ZCCHC9: variants seen among roughly 807,000 people sequenced by gnomAD.
ZCCHC9 encodes zinc finger CCHC domain-containing protein 9.
A neutral mutation model predicts 30.8 loss-of-function variants in ZCCHC9; 18 were observed. The observed-to-expected ratio is 0.58, with a 90% CI of 0.40 to 0.87. ZCCHC9 has a LOEUF of 0.87. Among genes scored for constraint, ZCCHC9 ranks in the 40% least tolerant of loss-of-function variants. The pLI, the probability that ZCCHC9 is intolerant of heterozygous loss-of-function variation, is 0.00. For missense variants in ZCCHC9, 279 were observed against 331.2 expected, an observed-to-expected ratio of 0.84 and a Z score of 1.22; for synonymous variants, 94 against 106.7, an observed-to-expected ratio of 0.88 and a Z score of 0.73.
At chr5:81,306,009 C>G (rs1395329265) in intron 2 of ZCCHC9, among the ~76,000 whole-genome samples, 3 of 152,148 alleles carry the variant, frequency 2.0e-5, no homozygotes, top group Admixed American at 1.3e-4. Flanking sequence ...ATTGCTTCCT[C>G]CCTCCCCCAT....
At chr5:81,303,648 C>T (rs1758021076) in intron 1 of ZCCHC9, 1 of 152,288 alleles carries the variant, frequency 6.6e-6, no homozygotes, top group Non-Finnish European at 1.5e-5. Flanking sequence ...TACAGTACAT[C>T]ATTGTAAGCA....
At chr5:81,308,500 A>G in intron 2 of ZCCHC9, 61 bp from the exon 3 acceptor site, 1 of 1,452,596 alleles carries the variant, frequency 6.9e-7, no homozygotes, top group East Asian at 2.5e-5. Flanking sequence ...TTTGATAACA[A>G]GAATTAATAA....
At chr5:81,303,065 TG>T (rs1758004590) in intron 1 of ZCCHC9, 2 of 151,876 alleles carry the variant, frequency 1.3e-5, no homozygotes, top group Non-Finnish European at 2.9e-5. Context: ...GTTTTGCTCT[TG>T]TCACCCAGGC....
At chr5:81,303,725 T>G (rs575128103) in intron 1 of ZCCHC9, 2 of 152,258 alleles carry the variant, frequency 1.3e-5, no homozygotes, top group Non-Finnish European at 2.9e-5. Flanking sequence ...ATGAGTAATG[T>G]GTTACACTAC....
At chr5:81,309,142 C>T in intron 4 of ZCCHC9, 104 bp downstream of exon 4, 2 of 862,994 alleles carry the variant, frequency 2.3e-6, no homozygotes, top group Admixed American at 3.0e-5. Flanking sequence ...GAATAAATTG[C>T]AAAACCTTGA....
chr5:81,304,784 C>T lies in ZCCHC9; in HGVS notation c.27C>T (p.Thr9=). 2 of 1,600,192 alleles carry T rather than the reference C, an allele frequency of 1.2e-6. No homozygotes were observed. The highest frequency in any genetic ancestry group is 3.4e-4 in the Middle Eastern group (2 of 5,960). MTRWARVS[T]TYNKRPLPAT... is the part of the protein sequence containing the mutation. ...TGACCAGGTGGGCCCGAGTTAGTAC[C>T]ACATATAACAAGAGACCCTTGCCTG... Residue 9 remains threonine (T), a synonymous_variant, in exon 2 of 6, where the codon ACC becomes ACT. Transcript: ENST00000407610.
At chr5:81,308,869 G>GAGT in intron 3 of ZCCHC9, 77 bp from the exon 4 acceptor site, 2 of 1,416,344 alleles carry the variant, frequency 1.4e-6, no homozygotes, top group Non-Finnish European at 1.9e-6. Flanking sequence ...TTTTTATTCA[G>GAGT]AGTATTTTAA....
At chr5:81,312,258 T>C (rs1758312654) in intron 5 of ZCCHC9, among the ~76,000 whole-genome samples, 1 of 152,212 alleles carries the variant, frequency 6.6e-6, no homozygotes, top group Non-Finnish European at 1.5e-5. Context: ...ATTCATTGAC[T>C]CTGTAATGAT....
intron 2 of ZCCHC9, among the ~76,000 whole-genome samples, chr5:81,305,388 G>A (rs1156554300): frequency 1.3e-5 from 2 of 152,170 alleles, no homozygotes; most frequent in East Asian, 3.8e-4. Context: ...ACACTGAAGT[G>A]CAGATAGATT....
At chr5:81,302,830 T>C (rs1224446176) in intron 1 of ZCCHC9, 3 of 152,220 alleles carry the variant, frequency 2.0e-5, no homozygotes, top group African/African-American at 7.2e-5. Context: ...GTGAGTGGTA[T>C]GTGAGTGTGA....
chr5:81,308,282 A>G (rs776532868), intron 2 of ZCCHC9: 23 of 272,720 alleles, frequency 8.4e-5, no homozygotes, highest in Non-Finnish European at 1.4e-4. Flanking sequence ...TATTTGCTCA[A>G]TTCATTTAAG....
intron 5 of ZCCHC9, 135 bp downstream of exon 5, chr5:81,311,414 T>G (rs1242085376): frequency 3.3e-6 from 3 of 922,492 alleles, no homozygotes; most frequent in Non-Finnish European, 5.1e-6. Flanking sequence ...TAGCAATGAC[T>G]TAATCTCTGT....
intron 4 of ZCCHC9, among the ~76,000 whole-genome samples, chr5:81,310,243 GC>G (rs1231101230): frequency 6.6e-6 from 1 of 150,830 alleles, no homozygotes; most frequent in African/African-American, 2.4e-5. Flanking sequence ...GCCTGTGTGT[GC>G]CTTGATTTTA....
chr5:81,301,759 A>G (rs564311950), intron 1 of ZCCHC9, 61 bp downstream of exon 1: 1 of 152,710 alleles, frequency 6.5e-6, no homozygotes, highest in South Asian at 2.1e-4. Context: ...GGCCTGGCGG[A>G]ACTTGCGTGG....
At chr5:81,312,467 C>A in intron 5 of ZCCHC9, 77 bp from the exon 6 acceptor site, 1 of 1,189,000 alleles carries the variant, frequency 8.4e-7, no homozygotes, top group Non-Finnish European at 1.2e-6. Context: ...GAGTTCCTTT[C>A]CCAAACCAAT....
intron 4 of ZCCHC9, among the ~76,000 whole-genome samples, chr5:81,310,157 T>TAAAAAAAAAAAAAAAAAAAAAAAAAAAAA (rs71000814): frequency 4.8e-5 from 5 of 104,756 alleles, no homozygotes; most frequent in African/African-American, 2.0e-4. Context: ...TGACTAGCTG[T>TAAAAAAAAAAAAAAAAAAAAAAAAAAAAA]AAAAAAAAAA....
At position 81,312,816 on chromosome 5, in the gene ZCCHC9, C is replaced by T; in HGVS notation, c.*154C>T. The stretch of plus-strand genomic sequence containing the variant: ...CCAAAAACAATTTTCTTTATTCTGT[C>T]TATCAAATAGTACTTCTACCACTGT... On this transcript the variant is annotated 3_prime_UTR_variant, in exon 6 of 6. Transcript: ENST00000407610. 1 of 542,262 alleles carries T rather than the reference C, an allele frequency of 1.8e-6. No homozygotes were observed. The highest frequency in any genetic ancestry group is 3.3e-6 in the Non-Finnish European group (1 of 301,062). 33.6% of individuals were successfully genotyped at this position (542,262 alleles called of 1,614,324 possible). A position where few individuals can be genotyped will look rare whatever the true frequency, so the allele number is the denominator to read the frequency against.
chr5:81,307,121 T>A (rs569096628), intron 2 of ZCCHC9, among the ~76,000 whole-genome samples: 19 of 152,348 alleles, frequency 1.2e-4, no homozygotes, highest in African/African-American at 4.3e-4. Flanking sequence ...CATAATTAAA[T>A]GACTATTTAT....
intron 2 of ZCCHC9, among the ~76,000 whole-genome samples, 187 bp downstream of exon 2, chr5:81,305,328 C>T (rs1758058288): frequency 6.8e-6 from 1 of 146,890 alleles, no homozygotes; most frequent in African/African-American, 2.7e-5. Flanking sequence ...TTAATTATTA[C>T]AACAACACAG....
Sources: allele counts gnomAD v4.1 joint callset (sites outside exome capture counted in the v4.1 genomes callset), GRCh38; gene constraint gnomAD v4.1.1; transcripts MANE v1.5; gene names NCBI Gene and HGNC (gene_info 2026-07-23, HGNC 2026-07-21).